The following SLC5A7 variants were observed in gnomAD, a reference collection of about 807,000 sequenced individuals.
SLC5A7 encodes the protein solute carrier family 5 member 7.
In SLC5A7, 19 loss-of-function variants were observed where a neutral mutation model predicts 55.4. The ratio of observed to expected loss-of-function variants is 0.34; its 90% confidence interval spans 0.24 to 0.50. SLC5A7 has a LOEUF of 0.50. SLC5A7 is among the 20% of genes least tolerant of loss of function. SLC5A7 has a pLI of 0.98. For synonymous variants in SLC5A7, 265 were observed against 263.7 expected (o/e 1.00, Z -0.05); for missense variants, 506 against 705.3 (o/e 0.72, Z 3.20).
At chr2:107,993,884 G>C (rs893161194) in intron 4 of SLC5A7, among the ~76,000 whole-genome samples, 1 of 152,172 alleles carries the variant, frequency 6.6e-6, no homozygotes, top group Non-Finnish European at 1.5e-5. Context: ...CTACAAACTT[G>C]AAATATTTCC....
intron 5 of SLC5A7, among the ~76,000 whole-genome samples, chr2:108,001,400 G>C (rs547418204): frequency 2.6e-5 from 4 of 152,088 alleles, no homozygotes; most frequent in Non-Finnish European, 5.9e-5. Flanking sequence ...GTGGCCGGGC[G>C]CGGTGGCTCA....
rs369065973 is a variant in SLC5A7, at chr2:107,997,310, T to C, written c.449-528T>C. On this transcript the variant is annotated intron_variant, in intron 4 of 8. Transcript: ENST00000264047. ...CACTTGCCTACAGTGTTTAGTACGG[T>C]AACAATCTGCACGAATTTGTAGCCC... 3.9e-5 allele frequency among the ~76,000 whole-genome samples: 6 copies of C among 152,352 alleles called. No homozygotes were observed. The East Asian group carries it at 1.2e-3, about 29-fold the overall frequency.
rs545955806 is a variant in SLC5A7 at position 107,998,745 on chromosome 2, G to C, written c.597+759G>C. 4.6e-4 allele frequency among the ~76,000 whole-genome samples: 70 copies of C among 152,306 alleles called. No individual in the cohort carries two copies. In the Middle Eastern group the frequency reaches 0.01, roughly 22 times the overall value. On this transcript the variant is annotated intron_variant, in intron 5 of 8. Transcript: ENST00000264047. ...CTCACCATACACATATATTATCCCA[G>C]TTGTAGATTCTTTAGGGGCAATGCC...
At chr2:107,998,257 T>C (rs1677754225) in intron 5 of SLC5A7, among the ~76,000 whole-genome samples, 1 of 152,224 alleles carries the variant, frequency 6.6e-6, no homozygotes, top group Non-Finnish European at 1.5e-5. Context: ...TGGAAACTTA[T>C]GCATGATCTC....
rs374903324 is a variant in SLC5A7 at position 108,011,809 on chromosome 2, T to A, written c.*948T>A. 1 of 152,074 alleles carries A rather than the reference T, an allele frequency of 6.6e-6. No individual in the cohort carries two copies. The highest frequency in any genetic ancestry group is 1.5e-5 in the Non-Finnish European group (1 of 67,992). The allele number at this position is 152,074 out of a possible 1,614,324, so 9.4% of individuals were successfully genotyped here. A position where few individuals can be genotyped will look rare whatever the true frequency, so the allele number is the denominator to read the frequency against. ...GTTAATGAGAGGCACACTGCTAAATTTACGTATATTTCATTGAATACTTTA... is the reference window on the plus strand; with the variant it reads ...GTTAATGAGAGGCACACTGCTAAATATACGTATATTTCATTGAATACTTTA... On this transcript the variant is annotated 3_prime_UTR_variant, in exon 9 of 9. Coordinates refer to ENST00000264047, the MANE Select transcript of SLC5A7 (RefSeq NM_021815.5).
At chr2:108,001,779 TTC>T in intron 5 of SLC5A7, 116 bp from the exon 6 acceptor site, 1 of 1,028,768 alleles carries the variant, frequency 9.7e-7, no homozygotes, top group African/African-American at 1.6e-5. Flanking sequence ...TTTCCGATCC[TTC>T]TCTGTCTGAA....
chr2:108,008,632 G>A lies in SLC5A7; in HGVS notation c.1063G>A (p.Ala355Thr), dbSNP rs1214276413. 23 of 1,613,152 alleles carry A rather than the reference G, an allele frequency of 1.4e-5. No homozygotes were observed. Among genetic ancestry groups the A allele is most frequent in the Non-Finnish European group, 1.9e-5 (23 of 1,179,806 alleles). The change falls in exon 8 of 9, where the codon GCA becomes ACA. Residue 355 changes from alanine (A) to threonine (T), a missense_variant. By Grantham distance (58) the Ala-to-Thr change is moderately conservative (BLOSUM62 0). Coordinates refer to ENST00000264047, the MANE Select transcript of SLC5A7 (RefSeq NM_021815.5). ...ATCAGCAGATTCTTCCATCTTGTCA[G>A]CAAGTTCCATGTTTGCACGGAACAT... ...MSSADSSILS[A>T]SSMFARNIYQ...
At chr2:107,998,646 A>C (rs559312622) in intron 5 of SLC5A7, among the ~76,000 whole-genome samples, 38 of 152,350 alleles carry the variant, frequency 2.5e-4, no homozygotes, top group African/African-American at 8.7e-4. Flanking sequence ...TCAATACCTA[A>C]GATGTATCAA....
chr2:107,988,516 G>A (rs554011905), intron 2 of SLC5A7, among the ~76,000 whole-genome samples, 183 bp downstream of exon 2: 7 of 152,170 alleles, frequency 4.6e-5, no homozygotes, highest in Non-Finnish European at 8.8e-5. Context: ...AAATAAATTG[G>A]TTTCAACTCA....
chr2:107,991,865 ATTAATG>A (rs1164272937), intron 2 of SLC5A7, among the ~76,000 whole-genome samples: 1 of 152,232 alleles, frequency 6.6e-6, no homozygotes, highest in African/African-American at 2.4e-5. Flanking sequence ...AAATAGGTAA[ATTAATG>A]TTAATAGTAT....
rs555466254 is a variant in SLC5A7, at chr2:107,987,570, T to G, written c.-51-535T>G. Among the ~76,000 whole-genome samples the G allele has an allele frequency of 1.2e-4, 18 of 152,354 alleles. No individual in the cohort carries two copies. The South Asian group carries it at 3.7e-3, about 32-fold the overall frequency. Reference sequence around the variant, plus strand: ...AAATGGATTTTTCTAAAGATTTTTTTCAGATATTTTTATATCAGATTACTA... The same window carrying G: ...AAATGGATTTTTCTAAAGATTTTTTGCAGATATTTTTATATCAGATTACTA... On this transcript the variant is annotated intron_variant, in intron 1 of 8. Coordinates refer to ENST00000264047, the MANE Select transcript of SLC5A7 (RefSeq NM_021815.5).
At chr2:107,992,893 C>T in intron 3 of SLC5A7, 79 bp from the exon 4 acceptor site, 1 of 1,511,046 alleles carries the variant, frequency 6.6e-7, no homozygotes, top group South Asian at 1.3e-5. Context: ...ATGCATTTTC[C>T]TTGATAAATG....
chr2:108,004,807 C>G (rs1053934865), intron 6 of SLC5A7, among the ~76,000 whole-genome samples: 1 of 152,134 alleles, frequency 6.6e-6, no homozygotes, highest in Non-Finnish European at 1.5e-5. Flanking sequence ...TGGAAATGCT[C>G]TCAAAGCCTA....
intron 4 of SLC5A7, among the ~76,000 whole-genome samples, chr2:107,993,795 A>C (rs1374143924): frequency 6.6e-6 from 1 of 152,240 alleles, no homozygotes; most frequent in Non-Finnish European, 1.5e-5. Context: ...TCCAGCAGTA[A>C]ATAACATTCC....
rs1678306502 is a variant in SLC5A7 at position 108,010,936 on chromosome 2, A to T, written c.*75A>T. On this transcript the variant is annotated 3_prime_UTR_variant, in exon 9 of 9. Transcript: ENST00000264047. ...TAGTTCTGGAGAGATGGTATGCAGC[A>T]TACAAAAATATATTAAAAATATAAA... 4 of 1,344,048 alleles carry T rather than the reference A, an allele frequency of 3.0e-6. No homozygotes were observed. The highest frequency in any genetic ancestry group is 4.0e-6 in the Non-Finnish European group (4 of 1,011,102). The allele number at this position is 1,344,048 out of a possible 1,614,324, so 83.3% of individuals were successfully genotyped here. A position where few individuals can be genotyped will look rare whatever the true frequency, so the allele number is the denominator to read the frequency against.
intron 5 of SLC5A7, 152 bp from the exon 6 acceptor site, chr2:108,001,745 C>T: frequency 3.1e-6 from 2 of 635,934 alleles, no homozygotes; most frequent in Non-Finnish European, 5.1e-6. Context: ...TTTTATGGTG[C>T]CCAACAAAAA....
At chr2:108,000,896 C>CAT (rs1677863998) in intron 5 of SLC5A7, among the ~76,000 whole-genome samples, 1 of 150,050 alleles carries the variant, frequency 6.7e-6, no homozygotes, top group Non-Finnish European at 1.5e-5. Flanking sequence ...TGCTCGGCAC[C>CAT]ATTTATTTAT....
intron 3 of SLC5A7, among the ~76,000 whole-genome samples, chr2:107,992,478 A>G (rs1312232542): frequency 6.6e-6 from 1 of 152,196 alleles, no homozygotes; most frequent in African/African-American, 2.4e-5. Context: ...TAACATAATC[A>G]TGTTTTATTT....
At position 107,994,168 on chromosome 2, in the gene SLC5A7, C is replaced by T. The variant is rs1276300597; in HGVS notation, c.448+1041C>T. Among the ~76,000 whole-genome samples the T allele has an allele frequency of 2.0e-5, 3 of 152,160 alleles. No homozygotes were observed. In the East Asian group the frequency reaches 5.8e-4, roughly 29 times the overall value. On this transcript the variant is annotated intron_variant, in intron 4 of 8. Transcript: ENST00000264047. ...AAGCTCCCCATAAAGGTGTGCACTG[C>T]CCCGCCTTCAGCACATCCAATTTCA...
Sources: allele counts gnomAD v4.1 joint callset (sites outside exome capture counted in the v4.1 genomes callset), GRCh38; gene constraint gnomAD v4.1.1; transcripts MANE v1.5; gene names NCBI Gene and HGNC (gene_info 2026-07-23, HGNC 2026-07-21).